Variants in C11orf65 observed in about 807,000 individuals in gnomAD.
The protein encoded by C11orf65 is chromosome 11 open reading frame 65.
A neutral mutation model predicts 35.3 loss-of-function variants in C11orf65; 38 were observed. The ratio of observed to expected loss-of-function variants is 1.08; its 90% confidence interval spans 0.83 to 1.41. C11orf65 has a LOEUF of 1.41. Ranked by LOEUF, C11orf65 falls within the 40% of genes most tolerant of loss-of-function variation. C11orf65 has a pLI of 0.00. For synonymous variants in C11orf65, 105 were observed against 114.4 expected, an observed-to-expected ratio of 0.92 and a Z score of 0.53; for missense variants, 370 against 367.1, an observed-to-expected ratio of 1.01 and a Z score of -0.06.
chr11:108,430,548 T>C (rs959111858), intron 3 of C11orf65, among the ~76,000 whole-genome samples: 6 of 151,872 alleles, frequency 4.0e-5, no homozygotes, highest in African/African-American at 1.5e-4. Flanking sequence ...AAAGAACTGA[T>C]TTTTAAAAGA....
At chr11:108,430,382 G>A (rs1055437253) in intron 3 of C11orf65, among the ~76,000 whole-genome samples, 18 of 148,878 alleles carry the variant, frequency 1.2e-4, no homozygotes, top group African/African-American at 3.7e-4. Context: ...CTCGTGATCC[G>A]CCCGCCTCGG....
intron 6 of C11orf65, among the ~76,000 whole-genome samples, chr11:108,319,296 CT>C (rs2085015077): frequency 6.6e-6 from 1 of 152,072 alleles, no homozygotes; most frequent in African/African-American, 2.4e-5. Context: ...TCTTGCTTGC[CT>C]CTGTAAATCA....
intron 6 of C11orf65, among the ~76,000 whole-genome samples, chr11:108,403,612 A>G (rs990126740): frequency 6.6e-6 from 1 of 152,022 alleles, no homozygotes; most frequent in Non-Finnish European, 1.5e-5. Context: ...TTTCTCCTTC[A>G]ATTACTTTTA....
chr11:108,459,726 T>TACGCGCGCACAC (rs915851145), intron 2 of C11orf65, among the ~76,000 whole-genome samples: 1 of 138,570 alleles, frequency 7.2e-6, no homozygotes, highest in African/African-American at 2.7e-5. Flanking sequence ...GTCCTCCGTC[T>TACGCGCGCACAC]ACACACACAC....
intron 2 of C11orf65, among the ~76,000 whole-genome samples, chr11:108,375,478 G>C (rs1360467131): frequency 1.3e-5 from 2 of 150,558 alleles, no homozygotes; most frequent in Admixed American, 1.3e-4. Flanking sequence ...AAGAGCTCCT[G>C]AAGGAAGCAC....
intron 2 of C11orf65, among the ~76,000 whole-genome samples, chr11:108,358,045 GA>G (rs1365528179): frequency 1.4e-5 from 2 of 144,294 alleles, no homozygotes; most frequent in African/African-American, 2.5e-5. Context: ...TGACAACTTT[GA>G]AAAAAATTTA....
chr11:108,383,608 G>C (rs1224542152), intron 8 of C11orf65, among the ~76,000 whole-genome samples: 1 of 152,122 alleles, frequency 6.6e-6, no homozygotes, highest in Non-Finnish European at 1.5e-5. Flanking sequence ...TTCACAAAGG[G>C]AGAAATGCCC....
At chr11:108,396,041 T>A (rs572552606) in intron 6 of C11orf65, among the ~76,000 whole-genome samples, 2 of 152,296 alleles carry the variant, frequency 1.3e-5, no homozygotes, top group South Asian at 4.1e-4. Flanking sequence ...GGCAGGGCTA[T>A]AACAGTGAGA....
intron 3 of C11orf65, among the ~76,000 whole-genome samples, chr11:108,411,763 T>C (rs371008861): frequency 6.6e-6 from 1 of 151,984 alleles, no homozygotes; most frequent in Non-Finnish European, 1.5e-5. Flanking sequence ...AATACTAACA[T>C]AATGACACTG....
intron 6 of C11orf65, among the ~76,000 whole-genome samples, chr11:108,404,514 TCTC>T (rs1189103617): frequency 6.6e-6 from 1 of 151,884 alleles, no homozygotes; most frequent in Non-Finnish European, 1.5e-5. Context: ...TTCACGCCAT[TCTC>T]CTGCCTCAGC....
intron 2 of C11orf65, among the ~76,000 whole-genome samples, chr11:108,449,090 C>A (rs1402099416): frequency 1.3e-5 from 2 of 152,108 alleles, no homozygotes; most frequent in African/African-American, 4.8e-5. Context: ...ATGTGAAGGA[C>A]CTCTTCAAGG....
At position 108,376,650 on chromosome 11, in the gene C11orf65, A is replaced by T. The variant is rs868131218; in HGVS notation, c.226+16558T>A. 8.1e-3 allele frequency among the ~76,000 whole-genome samples: 1,228 copies of T among 152,154 alleles called. 11 individuals are homozygous for T. The highest frequency in any genetic ancestry group is 0.025 in the African/African-American group (1,052 of 41,526). On this transcript the variant is annotated intron_variant, in intron 2 of 3. Transcript: ENST00000524755. Reference sequence around the variant, plus strand: ...AAATCAGAGCAGAACTGAAGGAAATAGAGACACAAAAAACCGTTCAAAAAA... The same window carrying T: ...AAATCAGAGCAGAACTGAAGGAAATTGAGACACAAAAAACCGTTCAAAAAA...
intron 3 of C11orf65, among the ~76,000 whole-genome samples, chr11:108,407,683 G>A (rs1591486702): frequency 6.6e-6 from 1 of 150,892 alleles, no homozygotes; most frequent in East Asian, 1.9e-4. Context: ...GGTGGCTCAC[G>A]CCTGTAATCC....
chr11:108,356,641 G>A (rs2089960776), intron 2 of C11orf65, among the ~76,000 whole-genome samples: 1 of 151,974 alleles, frequency 6.6e-6, no homozygotes, highest in Non-Finnish European at 1.5e-5. Flanking sequence ...CAGTCAGAAG[G>A]GATTTTTATG....
chr11:108,319,922 A>G, intron 6 of C11orf65: 2 of 1,476,516 alleles, frequency 1.4e-6, no homozygotes, highest in Non-Finnish European at 1.9e-6. Context: ...TTCTGTTTTT[A>G]AGTATATTTT....
intron 2 of C11orf65, among the ~76,000 whole-genome samples, chr11:108,437,094 CAAAA>C (rs34835160): frequency 1.4e-5 from 1 of 72,392 alleles, no homozygotes; most frequent in Non-Finnish European, 2.5e-5. Flanking sequence ...CCCATTACGA[CAAAA>C]AAAAAAAAAA....
intron 3 of C11orf65, among the ~76,000 whole-genome samples, chr11:108,424,728 C>A (rs570738419): frequency 6.6e-6 from 1 of 152,146 alleles, no homozygotes; most frequent in Non-Finnish European, 1.5e-5. Context: ...AACATCACAT[C>A]GCACTTATTC....
intron 2 of C11orf65, among the ~76,000 whole-genome samples, chr11:108,460,510 A>G (rs902091558): frequency 2.0e-5 from 3 of 152,232 alleles, no homozygotes; most frequent in African/African-American, 7.2e-5. Flanking sequence ...AGTACTCAAT[A>G]AATATTTAAT....
chr11:108,440,311 G>A (rs1006952850), intron 2 of C11orf65, among the ~76,000 whole-genome samples: 5 of 152,144 alleles, frequency 3.3e-5, no homozygotes, highest in Admixed American at 6.5e-5. Flanking sequence ...ATTTTATTAT[G>A]CTCATAATTA....
Sources: allele counts gnomAD v4.1 joint callset (sites outside exome capture counted in the v4.1 genomes callset), GRCh38; gene constraint gnomAD v4.1.1; transcripts MANE v1.5; gene names NCBI Gene and HGNC (gene_info 2026-07-23, HGNC 2026-07-21).